The following OVGP1 variants were observed in gnomAD, a reference collection of about 807,000 sequenced individuals.
The protein encoded by OVGP1 is oviduct-specific glycoprotein.
In OVGP1, 26 loss-of-function variants were observed where a neutral mutation model predicts 48.2. The observed-to-expected ratio is 0.54, with a 90% CI of 0.40 to 0.75. The LOEUF is 0.75. OVGP1 is among the 30% of genes least tolerant of loss of function. OVGP1 has a pLI of 0.00. For missense variants in OVGP1, 791 were observed against 820.6 expected (o/e 0.96, Z 0.44); for synonymous variants, 294 against 305.7 (o/e 0.96, Z 0.40).
intron 10 of OVGP1, among the ~76,000 whole-genome samples, chr1:111,415,719 AAGG>A (rs1652119103): frequency 6.6e-6 from 1 of 152,194 alleles, no homozygotes; most frequent in Non-Finnish European, 1.5e-5. Flanking sequence ...ATGAATGCTC[AAGG>A]AGAAGCTTCT....
chr1:111,423,059 G>T lies in OVGP1; in HGVS notation c.484-8C>A. ...GAAGGCAAACAGGAGCTCCTAAGAG[G>T]AAAGACAGAAAGACACAGAGAACTG... On this transcript the variant is annotated splice_polypyrimidine_tract_variant and splice_region_variant and intron_variant, in intron 5 of 10. Coordinates refer to ENST00000369732, the MANE Select transcript of OVGP1 (RefSeq NM_002557.4). 1 of 1,613,816 alleles carries T rather than the reference G, an allele frequency of 6.2e-7. No individual in the cohort carries two copies. Among genetic ancestry groups the T allele is most frequent in the Non-Finnish European group, 8.5e-7 (1 of 1,179,984 alleles).
intron 2 of OVGP1, 67 bp from the exon 3 acceptor site, chr1:111,426,708 A>G (rs539791151): frequency 1.3e-6 from 2 of 1,569,892 alleles, no homozygotes; most frequent in East Asian, 4.8e-5. Context: ...GCTTCCAGAA[A>G]GCAATGTGAA....
chr1:111,426,835 C>T (rs984240519), intron 2 of OVGP1, 194 bp from the exon 3 acceptor site: 49 of 1,547,730 alleles, frequency 3.2e-5, no homozygotes, highest in Non-Finnish European at 4.1e-5. Context: ...AGGAAGAAAA[C>T]AATGCCTTGT....
At chr1:111,425,325 A>C in intron 4 of OVGP1, 58 bp downstream of exon 4, 2 of 1,604,952 alleles carry the variant, frequency 1.2e-6, no homozygotes, top group Middle Eastern at 1.9e-4. Context: ...CTCTGTCTTC[A>C]CGTCTAACCA....
chr1:111,419,530 T>C lies in OVGP1; in HGVS notation c.1020+80A>G, dbSNP rs1419093. On this transcript the variant is annotated intron_variant, in intron 9 of 10. Coordinates refer to ENST00000369732, the MANE Select transcript of OVGP1 (RefSeq NM_002557.4). ...CCTTTCACTCTCCACCCAATACACA[T>C]ACATGCATTGTACAAATAAGGACCC... The C allele has an allele frequency of 0.022, 17,872 of 830,282 alleles. 2,054 individuals are homozygous for C. In the African/African-American group the frequency reaches 0.25, roughly 12 times the overall value. 51.4% of individuals were successfully genotyped at this position (830,282 alleles called of 1,614,324 possible).
intron 10 of OVGP1, among the ~76,000 whole-genome samples, 190 bp from the exon 11 acceptor site, chr1:111,415,534 C>T (rs1028915296): frequency 5.9e-5 from 9 of 152,152 alleles, no homozygotes; most frequent in African/African-American, 1.9e-4. Flanking sequence ...CTCCAGACCC[C>T]GCCATGTTCA....
chr1:111,421,313 T>G lies in OVGP1; in HGVS notation c.866A>C (p.Lys289Thr). The G allele has an allele frequency of 1.2e-6, 2 of 1,612,530 alleles. No individual in the cohort carries two copies. The highest frequency in any genetic ancestry group is 1.7e-6 in the Non-Finnish European group (2 of 1,179,514). ...ARAIGPASPG[K>T]YTKQEGFLAY... ...CAAGAAGCCTTCTTGCTTGGTGTAC[T>G]TCCCTGGAGATGCTGGTCCGATCGC... The change falls in exon 8 of 11, where the codon AAG (lysine) becomes ACG (threonine). Residue 289 changes from lysine (K) to threonine (T), a missense_variant. Physicochemically the swap from Lys to Thr is moderately conservative, Grantham distance 78. Coordinates refer to ENST00000369732, the MANE Select transcript of OVGP1 (RefSeq NM_002557.4).
rs775679002 is a variant in OVGP1 at position 111,423,677 on chromosome 1, G to A, written c.349C>T (p.Arg117Cys). ...FTTMLSTFAN[R>C]EKFIASVISL... ...ATAACTGAAGCAATAAACTTTTCACGGTTGGCAAATGTGGACAACATAGTG... is the reference window on the plus strand; with the variant it reads ...ATAACTGAAGCAATAAACTTTTCACAGTTGGCAAATGTGGACAACATAGTG... The change falls in exon 5 of 11, where the codon CGT (arginine) becomes TGT (cysteine). Residue 117 changes from arginine (R) to cysteine (C), a missense_variant. Arg to Cys is a radical substitution (Grantham distance 180). Transcript: ENST00000369732. The A allele has an allele frequency of 9.3e-6, 15 of 1,613,958 alleles. No individual in the cohort carries two copies. Among genetic ancestry groups the A allele is most frequent in the Admixed American group, 3.3e-5 (2 of 59,992 alleles).
intron 9 of OVGP1, among the ~76,000 whole-genome samples, chr1:111,417,703 A>G (rs1198608771): frequency 6.6e-6 from 1 of 152,108 alleles, no homozygotes; most frequent in African/African-American, 2.4e-5. Flanking sequence ...AGGACAGAAT[A>G]TTTATTACTC....
chr1:111,414,748 G>A lies in OVGP1; in HGVS notation c.1753C>T (p.Pro585Ser). Residue 585 changes from proline to serine, a missense_variant, in exon 11 of 11, where the codon CCT (proline) becomes TCT (serine). Pro to Ser is a moderately conservative substitution (Grantham distance 74). Transcript: ENST00000369732. ...TVPSRNISVT[P>S]EGQTMPLRGE... Reference sequence around the variant, plus strand: ...CTTAAAGGCATAGTCTGCCCTTCAGGGGTGACTGATATGTTTCTGGAGGGG... The same window carrying A: ...CTTAAAGGCATAGTCTGCCCTTCAGAGGTGACTGATATGTTTCTGGAGGGG... 6.2e-7 allele frequency: 1 copy of A among 1,611,852 alleles called. No individual in the cohort carries two copies. Among genetic ancestry groups the A allele is most frequent in the Non-Finnish European group, 8.5e-7 (1 of 1,178,250 alleles).
chr1:111,421,254 C>T (rs377290248), intron 8 of OVGP1, 22 bp downstream of exon 8: 84 of 1,578,712 alleles, frequency 5.3e-5, no homozygotes, highest in Non-Finnish European at 6.6e-5. Flanking sequence ...AACTGCTAGA[C>T]AGAGACTGAT....
chr1:111,420,025 G>C (rs1652224478), intron 8 of OVGP1, among the ~76,000 whole-genome samples: 1 of 151,840 alleles, frequency 6.6e-6, no homozygotes, highest in South Asian at 2.1e-4. Context: ...AAAATAGTAA[G>C]AGTAACATAC....
At position 111,420,466 on chromosome 1, in the gene OVGP1, GAC is replaced by G. The variant is rs973992043; in HGVS notation, c.904-742_904-741del. On this transcript the variant is annotated intron_variant, in intron 8 of 10. Coordinates refer to ENST00000369732, the MANE Select transcript of OVGP1 (RefSeq NM_002557.4). ...TCCAGCGCAGAGCAGAGATTGGAGA[GAC>G]TTGCAGCACCTCCACTACTGCCTAA... Among the ~76,000 whole-genome samples the G allele has an allele frequency of 5.5e-4, 84 of 152,332 alleles. 1 individual carries two copies. The highest frequency in any genetic ancestry group is 1.9e-3 in the African/African-American group (79 of 41,578).
Position 111,422,918 on chromosome 1 carries a change from T to A in OVGP1, c.608+9A>T. 2 of 1,613,866 alleles carry A rather than the reference T, an allele frequency of 1.2e-6. No homozygotes were observed. Among genetic ancestry groups the A allele is most frequent in the Non-Finnish European group, 1.7e-6 (2 of 1,179,908 alleles). On this transcript the variant is annotated intron_variant, in intron 6 of 10. Coordinates refer to ENST00000369732, the MANE Select transcript of OVGP1 (RefSeq NM_002557.4). ...AATGTCCTGCCCCACCAAAGCAATATCCACTCACCTTCCTAGAAAGCGCAC... is the reference window on the plus strand; with the variant it reads ...AATGTCCTGCCCCACCAAAGCAATAACCACTCACCTTCCTAGAAAGCGCAC...
intron 4 of OVGP1, 62 bp downstream of exon 4, chr1:111,425,321 C>A: frequency 6.2e-7 from 1 of 1,602,698 alleles, no homozygotes; most frequent in Admixed American, 1.7e-5. Flanking sequence ...CCCCCTCTGT[C>A]TTCACGTCTA....
Position 111,415,068 on chromosome 1 carries a change from G to T in OVGP1, c.1433C>A (p.Thr478Asn), listed in dbSNP as rs1043982103. Residue 478 changes from threonine (T) to asparagine (N), a missense_variant, in exon 11 of 11, where the codon ACC becomes AAC. Transcript: ENST00000369732. ...GEKTEITGAM[T>N]MTSVGHQSMT... ...GGACTGATGACCCACAGAAGTCATG[G>T]TCATTGCCCCAGTGATCTCAGTCTT... The T allele has an allele frequency of 1.2e-6, 2 of 1,614,068 alleles. No homozygotes were observed. The highest frequency in any genetic ancestry group is 1.3e-5 in the African/African-American group (1 of 74,934).
chr1:111,423,819 A>G (rs1571356170), intron 4 of OVGP1, 111 bp from the exon 5 acceptor site: 2 of 1,013,614 alleles, frequency 2.0e-6, no homozygotes, highest in East Asian at 4.9e-5. Context: ...ATGTGGCTGG[A>G]GGAAAGGAAG....
At chr1:111,415,381 C>G (rs1385481924) in intron 10 of OVGP1, 37 bp from the exon 11 acceptor site, 2 of 1,557,618 alleles carry the variant, frequency 1.3e-6, no homozygotes, top group Middle Eastern at 1.7e-4. Flanking sequence ...AGATTCCTAC[C>G]ACTTCATTCT....
Position 111,421,356 on chromosome 1 carries a change from T to C in OVGP1, c.823A>G (p.Asn275Asp). Reference protein sequence around the residue: ...RTFRLLKASKNGLQARAIGPA... With the variant: ...RTFRLLKASKDGLQARAIGPA... ...CCGATCGCTCTGGCCTGCAACCCAT[T>C]CTTAGAGGCTTTGAGGAGGCGAAAG... is the stretch of plus-strand genomic sequence containing the variant. Residue 275 changes from asparagine to aspartate, a missense_variant, in exon 8 of 11, where the codon AAT becomes GAT. Physicochemically the swap from Asn to Asp is conservative, Grantham distance 23. Transcript: ENST00000369732. 1 of 1,614,166 alleles carries C rather than the reference T, an allele frequency of 6.2e-7. No individual in the cohort carries two copies. The highest frequency in any genetic ancestry group is 8.5e-7 in the Non-Finnish European group (1 of 1,180,026).
Sources: allele counts gnomAD v4.1 joint callset (sites outside exome capture counted in the v4.1 genomes callset), GRCh38; gene constraint gnomAD v4.1.1; transcripts MANE v1.5; gene names NCBI Gene and HGNC (gene_info 2026-07-23, HGNC 2026-07-21).